Variants in RAPGEF5 observed in about 807,000 individuals in gnomAD.
RAPGEF5 encodes M-Ras-regulated GEF.
Under a neutral mutation model 125.2 loss-of-function variants are expected in RAPGEF5, and 65 were observed. The observed-to-expected ratio is 0.52, with a 90% CI of 0.43 to 0.64. The LOEUF (loss-of-function observed/expected upper bound fraction) is 0.64. RAPGEF5 is among the 30% of genes least tolerant of loss of function. The pLI, the probability that RAPGEF5 is intolerant of heterozygous loss-of-function variation, is 0.00. For missense variants in RAPGEF5, 958 were observed against 1,048.1 expected (o/e 0.91, Z 1.19); for synonymous variants, 391 against 385.9 (o/e 1.01, Z -0.16).
At chr7:22,225,783 T>C (rs558579937) in intron 8 of RAPGEF5, among the ~76,000 whole-genome samples, 2 of 152,320 alleles carry the variant, frequency 1.3e-5, no homozygotes, top group South Asian at 4.1e-4. Context: ...AATAAAAGAT[T>C]AATGTATAAC....
intron 9 of RAPGEF5, among the ~76,000 whole-genome samples, chr7:22,216,196 T>G (rs1315197649): frequency 2.0e-5 from 3 of 152,160 alleles, no homozygotes; most frequent in Admixed American, 2.0e-4. Context: ...TTTCCAACAT[T>G]TCCCTCTTCT....
chr7:22,331,706 T>C lies in RAPGEF5; in HGVS notation c.232-13669A>G, dbSNP rs1038364318. ...CTTGCAGTGAGTGGAGATCGCACCA[T>C]TGCACTCCAGCCTGGGTGATAGAGC... On this transcript the variant is annotated intron_variant, in intron 1 of 25. Transcript: ENST00000665637. Among the ~76,000 whole-genome samples, 5 of 144,206 alleles carry C rather than the reference T, an allele frequency of 3.5e-5. No homozygotes were observed. In the East Asian group the frequency reaches 6.1e-4, roughly 18 times the overall value. The allele number at this position is 144,206 out of a possible 152,430, so 94.6% of individuals were successfully genotyped here. A position where few individuals can be genotyped will look rare whatever the true frequency, so the allele number is the denominator to read the frequency against.
Position 22,308,342 on chromosome 7 carries a change from T to C in RAPGEF5, c.677A>G (p.Glu226Gly). ...PLIPARGGIC[E>G]LSHQKIEDSE... ...GCACAAGAGAGCATCTACTTACAGTTCACAGATGCCACCTCTGGCAGGAAT... is the reference window on the plus strand; with the variant it reads ...GCACAAGAGAGCATCTACTTACAGTCCACAGATGCCACCTCTGGCAGGAAT... The change falls in exon 5 of 26, where the codon GAA (glutamate) becomes GGA (glycine). Residue 226 changes from glutamate to glycine, a missense_variant. Physicochemically the swap from Glu to Gly is moderately conservative, Grantham distance 98. Coordinates refer to ENST00000665637, the MANE Select transcript of RAPGEF5 (RefSeq NM_012294.5). 6.3e-7 allele frequency: 1 copy of C among 1,584,782 alleles called. No individual in the cohort carries two copies.
At chr7:22,267,130 T>C (rs935797645) in intron 6 of RAPGEF5, 118 bp from the exon 7 acceptor site, 11 of 960,604 alleles carry the variant, frequency 1.1e-5, no homozygotes, top group Middle Eastern at 4.6e-4. Context: ...TAAACCTAAG[T>C]TTGCTGCCAG....
At chr7:22,233,458 A>G (rs1786110017) in intron 7 of RAPGEF5, among the ~76,000 whole-genome samples, 1 of 152,214 alleles carries the variant, frequency 6.6e-6, no homozygotes, top group African/African-American at 2.4e-5. Flanking sequence ...TGTAGGGTGT[A>G]GGCATTTCTT....
intron 7 of RAPGEF5, among the ~76,000 whole-genome samples, chr7:22,232,906 G>T (rs1271488975): frequency 1.3e-5 from 2 of 152,146 alleles, no homozygotes; most frequent in Non-Finnish European, 2.9e-5. Context: ...TCACGCTTTG[G>T]ATAACTAGGA....
At chr7:22,155,281 C>A (rs149363531) in intron 16 of RAPGEF5, among the ~76,000 whole-genome samples, 2 of 152,306 alleles carry the variant, frequency 1.3e-5, no homozygotes, top group East Asian at 3.9e-4. Flanking sequence ...ATAATTATTA[C>A]TAGGACATTA....
chr7:22,220,418 A>T (rs10280737), intron 8 of RAPGEF5, among the ~76,000 whole-genome samples: 63,376 of 151,950 alleles, frequency 0.42, 13,608 homozygotes, highest in East Asian at 0.69. Flanking sequence ...AATATGCAAC[A>T]CCCCAATTCT....
At chr7:22,194,555 A>C (rs1199338612) in intron 9 of RAPGEF5, 1 of 979,278 alleles carries the variant, frequency 1.0e-6, no homozygotes, top group Admixed American at 6.2e-5. Context: ...CGGCAAGAAA[A>C]AAAAAACTAC....
chr7:22,140,623 T>C (rs117624217), intron 20 of RAPGEF5, among the ~76,000 whole-genome samples: 2,074 of 152,320 alleles, frequency 0.014, 21 homozygotes, highest in Non-Finnish European at 0.019. Context: ...AAATACGGCA[T>C]ATATTAATGG....
chr7:22,253,421 T>C (rs1583519834), intron 7 of RAPGEF5, among the ~76,000 whole-genome samples: 1 of 152,288 alleles, frequency 6.6e-6, no homozygotes, highest in African/African-American at 2.4e-5. Flanking sequence ...ACAAACCATC[T>C]GGAAAAATCA....
chr7:22,168,961 A>C (rs1562735371), intron 11 of RAPGEF5, among the ~76,000 whole-genome samples: 1 of 152,228 alleles, frequency 6.6e-6, no homozygotes, highest in African/African-American at 2.4e-5. Flanking sequence ...AAATTCGACA[A>C]ATTTTCTTAT....
intron 1 of RAPGEF5, among the ~76,000 whole-genome samples, chr7:22,340,767 T>C (rs1198120917): frequency 1.3e-5 from 2 of 152,228 alleles, no homozygotes; most frequent in East Asian, 1.9e-4. Context: ...TGCACAGGCA[T>C]GGCCACTTCC....
intron 1 of RAPGEF5, among the ~76,000 whole-genome samples, chr7:22,327,971 G>A (rs1783846617): frequency 6.6e-6 from 1 of 152,158 alleles, no homozygotes. Context: ...ACAAGTGCTT[G>A]GTGAATGTTA....
intron 9 of RAPGEF5, among the ~76,000 whole-genome samples, chr7:22,214,111 T>C (rs1471629008): frequency 6.6e-6 from 1 of 152,160 alleles, no homozygotes; most frequent in African/African-American, 2.4e-5. Context: ...GTAGGCAGAA[T>C]TCCAGGATGA....
At chr7:22,240,209 CAAAAAAA>C (rs35460153) in intron 7 of RAPGEF5, among the ~76,000 whole-genome samples, 1 of 78,924 alleles carries the variant, frequency 1.3e-5, no homozygotes, top group African/African-American at 4.3e-5. Flanking sequence ...GACTCCACCT[CAAAAAAA>C]AAAAAAAAAA....
intron 1 of RAPGEF5, among the ~76,000 whole-genome samples, chr7:22,331,436 A>G (rs1279326909): frequency 6.6e-6 from 1 of 152,136 alleles, no homozygotes; most frequent in East Asian, 1.9e-4. Context: ...TAAAAGGTCA[A>G]CACCCCTTTA....
chr7:22,337,927 C>T (rs1030076185), intron 1 of RAPGEF5, among the ~76,000 whole-genome samples: 1 of 152,202 alleles, frequency 6.6e-6, no homozygotes, highest in Non-Finnish European at 1.5e-5. Context: ...ATCAAAGTAC[C>T]TATATGCAAC....
intron 11 of RAPGEF5, among the ~76,000 whole-genome samples, chr7:22,180,339 C>A (rs1344390521): frequency 6.6e-6 from 1 of 152,122 alleles, no homozygotes; most frequent in African/African-American, 2.4e-5. Context: ...AATATATTTG[C>A]CAGCTTCACT....
Sources: gnomAD v4.1 joint callset for allele counts (sites outside exome capture counted in the v4.1 genomes callset) on GRCh38, gnomAD v4.1.1 for gene constraint, MANE v1.5 for transcripts, NCBI Gene and HGNC (gene_info 2026-07-23, HGNC 2026-07-21) for gene names.